Variants in MYO16 observed in about 807,000 individuals in gnomAD.
MYO16 encodes the protein myosin XVI.
MYO16 carries 94 observed loss-of-function variants against 205.3 expected under a neutral mutation model. The observed-to-expected ratio is 0.46, with a 90% confidence interval of 0.39 to 0.54. The LOEUF (loss-of-function observed/expected upper bound fraction) is 0.54, where lower values mean the gene tolerates loss of function less well. Among genes scored for constraint, MYO16 ranks in the 20% least tolerant of loss-of-function variants. The pLI is 0.00. For synonymous variants in MYO16, 988 were observed against 954.0 expected (o/e 1.04, Z -0.66); for missense variants, 2,315 against 2,387.5 (o/e 0.97, Z 0.63).
At chr13:108,653,226 A>T (rs1354239462) in intron 1 of MYO16, among the ~76,000 whole-genome samples, 1 of 152,122 alleles carries the variant, frequency 6.6e-6, no homozygotes, top group East Asian at 1.9e-4. Context: ...CCCATTTTTA[A>T]TCAGATTATT....
the MYO16 span, among the ~76,000 whole-genome samples, chr13:108,528,560 TC>T: frequency 1.5e-5 from 2 of 132,562 alleles, no homozygotes; most frequent in African/African-American, 6.5e-5. Flanking sequence ...TCCTCTCCTC[TC>T]CTCTCCTCTC....
chr13:108,668,120 G>A (rs1881822231), intron 2 of MYO16, among the ~76,000 whole-genome samples: 1 of 152,160 alleles, frequency 6.6e-6, no homozygotes, highest in African/African-American at 2.4e-5. Flanking sequence ...GTTTAGGTTA[G>A]GGTTAAAAGA....
intron 28 of MYO16, among the ~76,000 whole-genome samples, chr13:109,108,824 C>T (rs1889199394): frequency 6.6e-6 from 1 of 152,004 alleles, no homozygotes; most frequent in South Asian, 2.1e-4. Context: ...GAGGCAGGAC[C>T]AAGGGGCCCA....
At position 108,699,092 on chromosome 13, in the gene MYO16, C is replaced by CTA. The variant is rs1257912683; in HGVS notation, c.293-13568_293-13567insAT. 9.1e-5 allele frequency among the ~76,000 whole-genome samples: 13 copies of CTA among 143,456 alleles called. No homozygotes were observed. In the East Asian group the frequency reaches 1.3e-3, roughly 14 times the overall value. 94.1% of individuals were successfully genotyped at this position (143,456 alleles called of 152,430 possible). On this transcript the variant is annotated intron_variant, in intron 2 of 34. Coordinates refer to ENST00000457511, the MANE Select transcript of MYO16 (RefSeq NM_001198950.3). The stretch of plus-strand genomic sequence containing the variant: ...TCTCTCTCTGTCTCTCTCTCTCTCT[C>CTA]TCTCTATATATATATATATGTGTGT...
intron 23 of MYO16, among the ~76,000 whole-genome samples, chr13:109,040,566 T>A (rs1594494219): frequency 6.6e-6 from 1 of 152,082 alleles, no homozygotes; most frequent in South Asian, 2.1e-4. Context: ...TATCTCAAAA[T>A]CTATCAAGGT....
chr13:109,037,487 G>A (rs1489021912), intron 23 of MYO16, among the ~76,000 whole-genome samples: 6 of 152,118 alleles, frequency 3.9e-5, no homozygotes, highest in Admixed American at 3.9e-4. Context: ...GATTACCTAG[G>A]TAATGCCATG....
chr13:108,626,963 T>C (rs908675994), upstream of MYO16, among the ~76,000 whole-genome samples: 2 of 145,538 alleles, frequency 1.4e-5, no homozygotes, highest in African/African-American at 5.0e-5. Flanking sequence ...GTATATAATA[T>C]ATATATTATA....
intron 1 of MYO16, among the ~76,000 whole-genome samples, chr13:108,599,067 A>C (rs1566498092): frequency 7.0e-6 from 1 of 142,822 alleles, no homozygotes; most frequent in African/African-American, 2.6e-5. Context: ...GTTCAATTCC[A>C]ATCTATGAGT....
chr13:108,670,820 A>C (rs1881950009), intron 2 of MYO16, among the ~76,000 whole-genome samples: 1 of 152,188 alleles, frequency 6.6e-6, no homozygotes, highest in Non-Finnish European at 1.5e-5. Flanking sequence ...TCACATGTAT[A>C]TATGGATGCC....
At chr13:108,707,424 C>T (rs950101939) in intron 2 of MYO16, among the ~76,000 whole-genome samples, 3 of 152,094 alleles carry the variant, frequency 2.0e-5, no homozygotes, top group East Asian at 1.9e-4. Flanking sequence ...TGTATCTTTA[C>T]GAAGTTTGGG....
At chr13:108,502,531 T>A in the MYO16 span, among the ~76,000 whole-genome samples, 1 of 152,214 alleles carries the variant, frequency 6.6e-6, no homozygotes, top group African/African-American at 2.4e-5. Context: ...GAATATCCTC[T>A]TTCTCTATAA....
At chr13:108,593,998 G>C (rs1406177973), upstream of MYO16, among the ~76,000 whole-genome samples, 3 of 152,156 alleles carry the variant, frequency 2.0e-5, no homozygotes, top group Non-Finnish European at 4.4e-5. Flanking sequence ...AGGTGTCTCT[G>C]TGCTCATGAT....
chr13:108,881,962 C>T (rs1879638796), intron 12 of MYO16, among the ~76,000 whole-genome samples: 1 of 152,142 alleles, frequency 6.6e-6, no homozygotes, highest in Non-Finnish European at 1.5e-5. Context: ...AAAGATACTC[C>T]TTGAGAAGAG....
chr13:108,676,118 C>G (rs928083620), intron 2 of MYO16, among the ~76,000 whole-genome samples: 1 of 151,864 alleles, frequency 6.6e-6, no homozygotes, highest in Middle Eastern at 3.2e-3. Context: ...TGATCGTCAC[C>G]GTGAGTGTAA....
chr13:108,724,471 T>C (rs1436610243), intron 3 of MYO16, among the ~76,000 whole-genome samples: 1 of 152,052 alleles, frequency 6.6e-6, no homozygotes, highest in African/African-American at 2.4e-5. Context: ...CTTTTAACTG[T>C]GTCATTTAGA....
At chr13:109,079,387 GTT>G (rs34736383) in intron 27 of MYO16, among the ~76,000 whole-genome samples, 25,114 of 150,320 alleles carry the variant, frequency 0.17, 2,198 homozygotes, top group South Asian at 0.2. Context: ...TACTGTATGG[GTT>G]TTTTTTTTTT....
At chr13:108,679,161 T>A (rs1882353779) in intron 2 of MYO16, among the ~76,000 whole-genome samples, 1 of 152,168 alleles carries the variant, frequency 6.6e-6, no homozygotes, top group African/African-American at 2.4e-5. Flanking sequence ...TGCTCCTGCC[T>A]TGGGGTCTTT....
chr13:108,908,580 T>C (rs1221377845), intron 15 of MYO16, among the ~76,000 whole-genome samples: 2 of 152,196 alleles, frequency 1.3e-5, no homozygotes, highest in Non-Finnish European at 2.9e-5. Context: ...TATTTGCCTT[T>C]CTAAGAACTG....
At chr13:108,932,147 T>A (rs1162854638) in intron 16 of MYO16, among the ~76,000 whole-genome samples, 1 of 152,232 alleles carries the variant, frequency 6.6e-6, no homozygotes, top group Non-Finnish European at 1.5e-5. Flanking sequence ...CTTCTAAGAG[T>A]TCCACTTTGT....
Sources: gnomAD v4.1 joint callset for allele counts (sites outside exome capture counted in the v4.1 genomes callset) on GRCh38, gnomAD v4.1.1 for gene constraint, MANE v1.5 for transcripts, NCBI Gene and HGNC (gene_info 2026-07-23, HGNC 2026-07-21) for gene names.